The following FGFR4 variants were observed in gnomAD, a reference collection of about 807,000 sequenced individuals.
The protein encoded by FGFR4 is fibroblast growth factor receptor 4.
In FGFR4, 63 loss-of-function variants were observed where a neutral mutation model predicts 89.9. The ratio of observed to expected loss-of-function variants is 0.70; its 90% CI spans 0.57 to 0.86. The LOEUF is 0.86. FGFR4 is among the 40% of genes least tolerant of loss of function. The pLI is 0.00. For synonymous variants in FGFR4, 486 were observed against 479.4 expected (o/e 1.01, Z -0.18); for missense variants, 928 against 1,106.7 (o/e 0.84, Z 2.29).
In FGFR4 at chr5:177,095,454, G is replaced by A. The variant is rs201356703; in HGVS notation, c.1630+14G>A. ...GCACCCAGGAAGGTGGGGCCGAGGC[G>A]GGGCTGGCTGCACGGGCCGTTAGGG... On this transcript the variant is annotated intron_variant, in intron 12 of 17. Coordinates refer to ENST00000292408, the MANE Select transcript of FGFR4 (RefSeq NM_213647.3). This position sits in a 1 kb window ranked among gnomAD's most constrained non-coding sequence, Gnocchi z 5.7. The A allele has an allele frequency of 3.1e-5, 50 of 1,614,022 alleles. No homozygotes were observed. The East Asian group carries it at 6.9e-4, about 22-fold the overall frequency.
chr5:177,091,227 G>A lies in FGFR4; in HGVS notation c.603+123G>A, dbSNP rs1784357839. ...TGAAGCGATTGCGGGGCCCCGGAAGGAGCCCTGGACTGTGGACCTGGGCAG... is the reference window on the plus strand; with the variant it reads ...TGAAGCGATTGCGGGGCCCCGGAAGAAGCCCTGGACTGTGGACCTGGGCAG... On this transcript the variant is annotated intron_variant, in intron 5 of 17. Transcript: ENST00000292408. 37 of 1,282,012 alleles carry A rather than the reference G, an allele frequency of 2.9e-5. No homozygotes were observed. In the South Asian group the frequency reaches 5.7e-4, roughly 20 times the overall value. 79.4% of individuals were successfully genotyped at this position (1,282,012 alleles called of 1,614,324 possible). A position where few individuals can be genotyped will look rare whatever the true frequency, so the allele number is the denominator to read the frequency against.
At position 177,089,646 on chromosome 5, in the gene FGFR4, C is replaced by G. The variant is rs747930223; in HGVS notation, c.44C>G (p.Pro15Arg). Residue 15 changes from proline (P) to arginine (R), a missense_variant, in exon 2 of 18, where the codon CCT (proline) becomes CGT (arginine). Transcript: ENST00000292408. Reference sequence around the variant, plus strand: ...CTGTTGGGGGTCCTGCTGAGTGTGCCTGGGCCTCCAGTCTTGTCCCTGGAG... The same window carrying G: ...CTGTTGGGGGTCCTGCTGAGTGTGCGTGGGCCTCCAGTCTTGTCCCTGGAG... ...LALLGVLLSV[P>R]GPPVLSLEAS... 3.8e-5 allele frequency: 62 copies of G among 1,613,880 alleles called. No homozygotes were observed. The highest frequency in any genetic ancestry group is 5.2e-5 in the Non-Finnish European group (61 of 1,179,980).
intron 8 of FGFR4, 177 bp downstream of exon 8, chr5:177,092,961 C>A: frequency 1.6e-6 from 2 of 1,279,960 alleles, no homozygotes; most frequent in Non-Finnish European, 2.2e-6. Context: ...CACACGTGGC[C>A]GTCCATGTGA....
chr5:177,096,971 T>C (rs1276645915), intron 16 of FGFR4, among the ~76,000 whole-genome samples: 173 of 9,068 alleles, frequency 0.019, no homozygotes, highest in East Asian at 0.021. Context: ...CCTGCTCCTC[T>C]TCCTCCTCCT....
intron 5 of FGFR4, among the ~76,000 whole-genome samples, chr5:177,091,373 G>A (rs985895678): frequency 3.3e-5 from 5 of 152,188 alleles, no homozygotes; most frequent in Admixed American, 6.5e-5. Flanking sequence ...GCATCTCATC[G>A]TCTTGATGAG....
rs762538901 is a variant in FGFR4 at position 177,091,065 on chromosome 5, A to T, written c.564A>T (p.Gly188=). 1 of 1,599,588 alleles carries T rather than the reference A, an allele frequency of 6.3e-7. No individual in the cohort carries two copies. The highest frequency in any genetic ancestry group is 1.7e-5 in the Admixed American group (1 of 59,614). The change falls in exon 5 of 18, where the codon GGA becomes GGT. Residue 188 remains glycine (G), a synonymous_variant. Coordinates refer to ENST00000292408, the MANE Select transcript of FGFR4 (RefSeq NM_213647.3). ...PTPTIRWLKD[G]QAFHGENRIG... Reference sequence around the variant, plus strand: ...CCACCATCCGCTGGCTTAAGGATGGACAGGCCTTTCATGGGGAGAACCGCA... The same window carrying T: ...CCACCATCCGCTGGCTTAAGGATGGTCAGGCCTTTCATGGGGAGAACCGCA...
chr5:177,096,465 C>G lies in FGFR4; in HGVS notation c.2015+108C>G, dbSNP rs554275349. 1.7e-4 allele frequency: 257 copies of G among 1,540,446 alleles called. 1 individual carries two copies. The Admixed American group carries it at 4.0e-3, about 24-fold the overall frequency. ...GCTCGAGGGCTCCTTCAGATTTGGTCTGGGACCCGAGTGGGCCCAGACTCC... is the reference window on the plus strand; with the variant it reads ...GCTCGAGGGCTCCTTCAGATTTGGTGTGGGACCCGAGTGGGCCCAGACTCC... On this transcript the variant is annotated intron_variant, in intron 15 of 17. Transcript: ENST00000292408.
In FGFR4 at chr5:177,090,437, G is replaced by A. The variant is rs2149730716; in HGVS notation, c.139G>A (p.Val47Ile). ...SLEQQEQELT[V>I]ALGQPVRLCC... ...GGAGCAGCAAGAGCAGGAGCTGACA[G>A]TAGCCCTTGGGCAGCCTGTGCGTCT... The change falls in exon 3 of 18, where the codon GTA (valine) becomes ATA (isoleucine). Residue 47 changes from valine to isoleucine, a missense_variant. Physicochemically the swap from Val to Ile is conservative, Grantham distance 29. Around this residue, in one of 5 missense-constraint regions of FGFR4, gnomAD observed 741 missense variants for 836.9 expected, o/e 0.89. Coordinates refer to ENST00000292408, the MANE Select transcript of FGFR4 (RefSeq NM_213647.3). The A allele has an allele frequency of 6.2e-7, 1 of 1,605,962 alleles. No homozygotes were observed. Among genetic ancestry groups the A allele is most frequent in the Admixed American group, 1.7e-5 (1 of 59,978 alleles).
At position 177,090,807 on chromosome 5, in the gene FGFR4, C is replaced by T. The variant is rs753223974; in HGVS notation, c.418C>T (p.His140Tyr). 3 of 1,613,966 alleles carry T rather than the reference C, an allele frequency of 1.9e-6. No homozygotes were observed. Among genetic ancestry groups the T allele is most frequent in the Non-Finnish European group, 2.5e-6 (3 of 1,179,960 alleles). ...GTCCCATAGGGACCCCTCGAATAGG[C>T]ACAGTTACCCCCAGCAAGGTCAGTA... ...PKSHRDPSNR[H>Y]SYPQQAPYWT... The change falls in exon 4 of 18, where the codon CAC becomes TAC. Residue 140 changes from histidine (H) to tyrosine (Y), a missense_variant. By Grantham distance (83) the His-to-Tyr change is moderately conservative. Transcript: ENST00000292408.
rs1784498168 is a variant in FGFR4, at chr5:177,095,012, C to T, written c.1520-318C>T. 9.5e-6 allele frequency: 3 copies of T among 315,084 alleles called. No homozygotes were observed. Among genetic ancestry groups the T allele is most frequent in the East Asian group, 1.2e-4 (2 of 16,094 alleles). The allele number at this position is 315,084 out of a possible 1,614,324, so 19.5% of individuals were successfully genotyped here. On this transcript the variant is annotated intron_variant, in intron 11 of 17. Transcript: ENST00000292408. The surrounding 1 kb of genome is among the most constrained non-coding windows in gnomAD (Gnocchi z 5.7). ...CCCTCCAGCGGCAGCTTCCTTCCTTCCTTCCTGCTCCGAGCTCTTCCCCTC... is the reference window on the plus strand; with the variant it reads ...CCCTCCAGCGGCAGCTTCCTTCCTTTCTTCCTGCTCCGAGCTCTTCCCCTC...
At position 177,093,759 on chromosome 5, in the gene FGFR4, C is replaced by T. The variant is rs138938442; in HGVS notation, c.1503C>T (p.Ala501=). The change falls in exon 11 of 18, where the codon GCC becomes GCT. Residue 501 remains alanine, a synonymous_variant. Transcript: ENST00000292408. This position sits in a 1 kb window ranked among gnomAD's most constrained non-coding sequence, Gnocchi z 5.8. Reference sequence around the variant, plus strand: ...GGCCTGACCAAGCCAGCACTGTGGCCGTCAAGATGCTCAAAGGTGAGTGTG... The same window carrying T: ...GGCCTGACCAAGCCAGCACTGTGGCTGTCAAGATGCTCAAAGGTGAGTGTG... The part of the protein sequence containing the change: ...PARPDQASTV[A]VKMLKDNASD... The T allele has an allele frequency of 2.3e-4, 375 of 1,612,864 alleles. 1 individual carries two copies. Among genetic ancestry groups the T allele is most frequent in the Non-Finnish European group, 2.9e-4 (337 of 1,179,708 alleles).
At position 177,095,263 on chromosome 5, in the gene FGFR4, C is replaced by T; in HGVS notation, c.1520-67C>T. ...CTGGTCCAGTGCTGCTTGTCCTGCA[C>T]CTGCCTCTGCATGCTCCCTCGTGCA... On this transcript the variant is annotated intron_variant, in intron 11 of 17. Coordinates refer to ENST00000292408, the MANE Select transcript of FGFR4 (RefSeq NM_213647.3). The surrounding 1 kb of genome is among the most constrained non-coding windows in gnomAD (Gnocchi z 5.7). 1.5e-6 allele frequency: 2 copies of T among 1,322,780 alleles called. No individual in the cohort carries two copies. Among genetic ancestry groups the T allele is most frequent in the Non-Finnish European group, 1.1e-6 (1 of 916,606 alleles). The allele number at this position is 1,322,780 out of a possible 1,614,324, so 81.9% of individuals were successfully genotyped here. A position where few individuals can be genotyped will look rare whatever the true frequency, so the allele number is the denominator to read the frequency against.
rs776394759 is a variant in FGFR4, at chr5:177,090,459, G to A, written c.161G>A (p.Arg54His). 1.7e-5 allele frequency: 28 copies of A among 1,603,804 alleles called. No individual in the cohort carries two copies. Among genetic ancestry groups the A allele is most frequent in the East Asian group, 2.2e-5 (1 of 44,832 alleles). The part of the protein sequence containing the change: ...ELTVALGQPV[R>H]LCCGRAERGG... ...ACAGTAGCCCTTGGGCAGCCTGTGC[G>A]TCTGTGCTGTGGGCGGGCTGAGCGT... Residue 54 changes from arginine (R) to histidine (H), a missense_variant, in exon 3 of 18, where the codon CGT becomes CAT. Physicochemically the swap from Arg to His is conservative, Grantham distance 29. Around this residue, in one of 5 missense-constraint regions of FGFR4, gnomAD observed 741 missense variants for 836.9 expected, o/e 0.89. Transcript: ENST00000292408.
At position 177,093,339 on chromosome 5, in the gene FGFR4, G is replaced by A. The variant is rs1285141109; in HGVS notation, c.1251+8G>A. 1 of 1,614,016 alleles carries A rather than the reference G, an allele frequency of 6.2e-7. No individual in the cohort carries two copies. The highest frequency in any genetic ancestry group is 1.3e-5 in the African/African-American group (1 of 75,034). On this transcript the variant is annotated splice_region_variant and intron_variant, in intron 9 of 17. Transcript: ENST00000292408. The surrounding 1 kb of genome is among the most constrained non-coding windows in gnomAD (Gnocchi z 5.8). The stretch of plus-strand genomic sequence containing the variant: ...TTCCCTCTGGCCCGACAGGTACTGG[G>A]CGCATCCCCCACCTCACATGTGACA...
chr5:177,097,568 T>C lies in FGFR4; in HGVS notation c.2301T>C (p.Ser767=). 1 of 1,614,054 alleles carries C rather than the reference T, an allele frequency of 6.2e-7. No homozygotes were observed. The highest frequency in any genetic ancestry group is 8.5e-7 in the Non-Finnish European group (1 of 1,179,998). Residue 767 remains serine (S), a synonymous_variant, in exon 18 of 18, where the codon TCT becomes TCC. Transcript: ENST00000292408. ...LRLTFGPYSP[S]GGDASSTCSS... ...TGACCTTCGGACCCTATTCCCCCTC[T>C]GGTGGGGACGCCAGCAGCACCTGCT...
In FGFR4 at chr5:177,090,728, C is replaced by G. The variant is rs756467835; in HGVS notation, c.356-17C>G. ...CCCCTCTTGGACCTTAGATGCTTCC[C>G]TCTGTCCCTGATGTAGACTCCTTGA... On this transcript the variant is annotated splice_polypyrimidine_tract_variant and intron_variant, in intron 3 of 17. Coordinates refer to ENST00000292408, the MANE Select transcript of FGFR4 (RefSeq NM_213647.3). 2 of 1,585,452 alleles carry G rather than the reference C, an allele frequency of 1.3e-6. No individual in the cohort carries two copies. Among genetic ancestry groups the G allele is most frequent in the Admixed American group, 3.5e-5 (2 of 57,682 alleles).
chr5:177,095,681 C>T lies in FGFR4; in HGVS notation c.1779C>T (p.Ala593=). Residue 593 remains alanine (A), a synonymous_variant, in exon 13 of 18, where the codon GCC becomes GCT. Coordinates refer to ENST00000292408, the MANE Select transcript of FGFR4 (RefSeq NM_213647.3). This position sits in a 1 kb window ranked among gnomAD's most constrained non-coding sequence, Gnocchi z 5.7. ...CCTTCCCAGTCCTGGTCTCCTGCGCCTACCAGGTGGCCCGAGGCATGCAGT... is the reference window on the plus strand; with the variant it reads ...CCTTCCCAGTCCTGGTCTCCTGCGCTTACCAGGTGGCCCGAGGCATGCAGT... ...PLSFPVLVSC[A]YQVARGMQYL... is the part of the protein sequence containing the mutation. The T allele has an allele frequency of 6.2e-7, 1 of 1,609,532 alleles. No homozygotes were observed. Among genetic ancestry groups the T allele is most frequent in the Non-Finnish European group, 8.5e-7 (1 of 1,179,102 alleles).
chr5:177,096,935 C>T (rs1234386293), intron 16 of FGFR4, among the ~76,000 whole-genome samples, 194 bp downstream of exon 16: 1 of 121,546 alleles, frequency 8.2e-6, no homozygotes, highest in Non-Finnish European at 1.7e-5. Context: ...CCTCCTCTTC[C>T]TCCTCCTCCT....
chr5:177,093,851 G>T lies in FGFR4; in HGVS notation c.1519+76G>T. ...GAGGCTGAGGGTGGGAGGATCGCTT[G>T]AATCCAGGAATTCGAGGCCAGCCTG... On this transcript the variant is annotated intron_variant, in intron 11 of 17. Coordinates refer to ENST00000292408, the MANE Select transcript of FGFR4 (RefSeq NM_213647.3). The surrounding 1 kb of genome is among the most constrained non-coding windows in gnomAD (Gnocchi z 5.8). 1 of 1,503,138 alleles carries T rather than the reference G, an allele frequency of 6.7e-7. No homozygotes were observed. Among genetic ancestry groups the T allele is most frequent in the South Asian group, 1.2e-5 (1 of 82,474 alleles). The allele number at this position is 1,503,138 out of a possible 1,614,324, so 93.1% of individuals were successfully genotyped here.
Sources: allele counts gnomAD v4.1 joint callset (sites outside exome capture counted in the v4.1 genomes callset), GRCh38; gene constraint gnomAD v4.1.1; regional missense constraint gnomAD v4.1.1; non-coding constraint Gnocchi (gnomAD v3.1); transcripts MANE v1.5; gene names NCBI Gene and HGNC (gene_info 2026-07-23, HGNC 2026-07-21).